The following GMDS variants were observed in gnomAD, a reference collection of about 807,000 sequenced individuals.
GMDS encodes GDP-mannose 4,6 dehydratase.
In GMDS, 20 loss-of-function variants were observed where a neutral mutation model predicts 49.9. The observed-to-expected ratio is 0.40, with a 90% CI of 0.28 to 0.58. The LOEUF (loss-of-function observed/expected upper bound fraction) is 0.58. Among genes scored for constraint, GMDS ranks in the 20% least tolerant of loss-of-function variants. The pLI, the probability that GMDS is intolerant of heterozygous loss-of-function variation, is 0.42. For missense variants in GMDS, 362 were observed against 481.4 expected (o/e 0.75, Z 2.32); for synonymous variants, 177 against 178.6 (o/e 0.99, Z 0.07).
intron 4 of GMDS, among the ~76,000 whole-genome samples, chr6:2,032,219 G>A (rs1452509846): frequency 1.3e-5 from 2 of 152,128 alleles, no homozygotes; most frequent in Non-Finnish European, 2.9e-5. Flanking sequence ...GGTTTGAACT[G>A]GAGACATACA....
rs192152276 is a variant in GMDS at position 1,776,576 on chromosome 6, C to T, written c.772-33990G>A. 3.1e-3 allele frequency among the ~76,000 whole-genome samples: 476 copies of T among 151,986 alleles called. 1 individual carries two copies. The highest frequency in any genetic ancestry group is 0.011 in the African/African-American group (457 of 41,390). On this transcript the variant is annotated intron_variant, in intron 7 of 10. Transcript: ENST00000380815. Reference sequence around the variant, plus strand: ...GCATGGTGGCATGTACCTGTGGTCCCAGCTACTCAGGAGGATCACTCTGAG... The same window carrying T: ...GCATGGTGGCATGTACCTGTGGTCCTAGCTACTCAGGAGGATCACTCTGAG...
In GMDS at chr6:1,644,214, C is replaced by T. The variant is rs116384919; in HGVS notation, c.988-19674G>A. 8.0e-3 allele frequency among the ~76,000 whole-genome samples: 1,226 copies of T among 152,332 alleles called. 16 individuals are homozygous for T. Among genetic ancestry groups the T allele is most frequent in the African/African-American group, 0.026 (1,090 of 41,578 alleles). ...GACCCACGCGGGGAGGGCCCTCCAC[C>T]GCCAGGGGAGACCCCTGATTCCACC... is the stretch of plus-strand genomic sequence containing the variant. On this transcript the variant is annotated intron_variant, in intron 9 of 10. Transcript: ENST00000380815.
At position 2,245,540 on chromosome 6, in the gene GMDS, G is replaced by T; in HGVS notation, c.-118C>A. On this transcript the variant is annotated 5_prime_UTR_variant, in exon 1 of 11. Transcript: ENST00000380815. ...CGCCTCTCCAGGCTGCGGGCAGGGA[G>T]GGAGAGCGCACCGCGCGACCGGCCG... The T allele has an allele frequency of 2.0e-6, 1 of 502,714 alleles. No individual in the cohort carries two copies. Among genetic ancestry groups the T allele is most frequent in the Non-Finnish European group, 3.2e-6 (1 of 313,074 alleles). 31.1% of individuals were successfully genotyped at this position (502,714 alleles called of 1,614,324 possible). A position where few individuals can be genotyped will look rare whatever the true frequency, so the allele number is the denominator to read the frequency against.
At chr6:2,163,302 C>T (rs1042349266) in intron 1 of GMDS, among the ~76,000 whole-genome samples, 1 of 152,162 alleles carries the variant, frequency 6.6e-6, no homozygotes, top group African/African-American at 2.4e-5. Flanking sequence ...TTTCCAAGCC[C>T]ACTCACATCA....
At chr6:2,116,905 GT>G (rs926606846) in intron 3 of GMDS, among the ~76,000 whole-genome samples, 1 of 152,112 alleles carries the variant, frequency 6.6e-6, no homozygotes, top group African/African-American at 2.4e-5. Context: ...CACCTCAGGA[GT>G]TACCATAAGC....
intron 4 of GMDS, among the ~76,000 whole-genome samples, chr6:2,108,371 T>G (rs1236504656): frequency 6.6e-6 from 1 of 151,328 alleles, no homozygotes; most frequent in Non-Finnish European, 1.5e-5. Context: ...TATTCAAAAT[T>G]TTAAATTTTA....
chr6:1,944,509 A>T (rs9405532), intron 6 of GMDS, among the ~76,000 whole-genome samples: 60,088 of 145,798 alleles, frequency 0.41, 11,585 homozygotes, highest in Middle Eastern at 0.46. Context: ...CGTCTAAAAA[A>T]ATATATATAT....
chr6:1,919,342 T>G (rs1165818777), intron 7 of GMDS, among the ~76,000 whole-genome samples: 1 of 152,350 alleles, frequency 6.6e-6, no homozygotes, highest in East Asian at 1.9e-4. Context: ...TACATAACTC[T>G]GAGAGGTACT....
rs1768355215 is a variant in GMDS at position 1,766,389 on chromosome 6, T to C, written c.772-23803A>G. On this transcript the variant is annotated intron_variant, in intron 7 of 10. Transcript: ENST00000380815. This position sits in a 1 kb window ranked among gnomAD's most constrained non-coding sequence, Gnocchi z 4.5. ...AGGCTCTGCGTTAGAACCCACACCT[T>C]CCGTCTCCCGGGCCAGGTCTCTTTG... Among the ~76,000 whole-genome samples, 5 of 152,136 alleles carry C rather than the reference T, an allele frequency of 3.3e-5. 1 individual carries two copies. The South Asian group carries it at 1.0e-3, about 32-fold the overall frequency.
intron 7 of GMDS, among the ~76,000 whole-genome samples, chr6:1,759,161 A>G (rs1490643174): frequency 3.3e-5 from 5 of 152,222 alleles, no homozygotes; most frequent in African/African-American, 1.2e-4. Flanking sequence ...GAGAATGTGT[A>G]GTTCATCTCC....
At chr6:1,968,994 G>T (rs1764427143) in intron 4 of GMDS, among the ~76,000 whole-genome samples, 1 of 151,980 alleles carries the variant, frequency 6.6e-6, no homozygotes, top group African/African-American at 2.4e-5. Flanking sequence ...TGGTGCGGTG[G>T]CTCACACCTG....
chr6:1,833,363 A>G lies in GMDS; in HGVS notation c.772-90777T>C, dbSNP rs765689984. On this transcript the variant is annotated intron_variant, in intron 7 of 10. Coordinates refer to ENST00000380815, the MANE Select transcript of GMDS (RefSeq NM_001500.4). The surrounding 1 kb of genome is among the most constrained non-coding windows in gnomAD (Gnocchi z 4.4). The stretch of plus-strand genomic sequence containing the variant: ...GAAAGCTCATCTCGGAGGTGTCAGG[A>G]TAAAACATGAGAACAGCATCTGTCC... 3.4e-4 allele frequency among the ~76,000 whole-genome samples: 51 copies of G among 152,166 alleles called. No individual in the cohort carries two copies. The highest frequency in any genetic ancestry group is 5.1e-4 in the Non-Finnish European group (35 of 68,020).
At chr6:1,737,913 CCACA>C (rs373246182) in intron 8 of GMDS, among the ~76,000 whole-genome samples, 1 of 141,178 alleles carries the variant, frequency 7.1e-6, no homozygotes, top group African/African-American at 2.6e-5. Flanking sequence ...ACACCACACA[CCACA>C]CACAGATACA....
At chr6:1,904,090 T>C (rs1433723074) in intron 7 of GMDS, among the ~76,000 whole-genome samples, 3 of 152,132 alleles carry the variant, frequency 2.0e-5, no homozygotes, top group Non-Finnish European at 4.4e-5. Flanking sequence ...GTTGAGCACG[T>C]GATGTCAGGA....
At chr6:2,090,198 A>G (rs1227202933) in intron 4 of GMDS, among the ~76,000 whole-genome samples, 1 of 152,232 alleles carries the variant, frequency 6.6e-6, no homozygotes, top group Non-Finnish European at 1.5e-5. Flanking sequence ...GATCCAAATA[A>G]TCTAGCCTAC....
chr6:2,096,598 C>T (rs997402729), intron 4 of GMDS, among the ~76,000 whole-genome samples: 6 of 152,108 alleles, frequency 3.9e-5, no homozygotes, highest in Non-Finnish European at 5.9e-5. Flanking sequence ...ACAATTCAAT[C>T]GGCATAGTTA....
chr6:1,855,874 C>T (rs1321745073), intron 7 of GMDS, among the ~76,000 whole-genome samples: 2 of 152,188 alleles, frequency 1.3e-5, no homozygotes, highest in African/African-American at 4.8e-5. Context: ...TACTACAATG[C>T]ACACACACAA....
At chr6:1,787,604 T>G (rs1401485174) in intron 7 of GMDS, among the ~76,000 whole-genome samples, 3 of 152,238 alleles carry the variant, frequency 2.0e-5, no homozygotes, top group Admixed American at 6.5e-5. Flanking sequence ...CAAAGTCTCT[T>G]CATCTAAATA....
At chr6:1,918,177 C>A (rs915843630) in intron 7 of GMDS, among the ~76,000 whole-genome samples, 3 of 151,992 alleles carry the variant, frequency 2.0e-5, no homozygotes, top group Non-Finnish European at 4.4e-5. Flanking sequence ...GAGAGTGTGA[C>A]GGTTTTCCAT....
Sources: gnomAD v4.1 joint callset for allele counts (sites outside exome capture counted in the v4.1 genomes callset) on GRCh38, gnomAD v4.1.1 for gene constraint, Gnocchi (gnomAD v3.1) non-coding constraint, MANE v1.5 for transcripts, NCBI Gene and HGNC (gene_info 2026-07-23, HGNC 2026-07-21) for gene names.